The following TRIP4 variants were observed in gnomAD, a reference collection of about 807,000 sequenced individuals.
TRIP4 encodes activating signal cointegrator 1.
In TRIP4, 54 loss-of-function variants were observed where a neutral mutation model predicts 81.8. The ratio of observed to expected loss-of-function variants is 0.66; its 90% CI spans 0.53 to 0.83. The LOEUF is 0.83. Ranked by LOEUF, TRIP4 falls within the 40% of genes least tolerant of loss-of-function variation. TRIP4 has a pLI of 0.00. For missense variants in TRIP4, 662 were observed against 683.6 expected, an observed-to-expected ratio of 0.97 and a Z score of 0.35; for synonymous variants, 270 against 242.8, an observed-to-expected ratio of 1.11 and a Z score of -1.04.
chr15:64,411,973 C>T (rs910789856), intron 7 of TRIP4, among the ~76,000 whole-genome samples: 1 of 152,128 alleles, frequency 6.6e-6, no homozygotes, highest in Non-Finnish European at 1.5e-5. Flanking sequence ...AACCACTGCG[C>T]CCGGCACTAA....
intron 9 of TRIP4, 61 bp from the exon 10 acceptor site, chr15:64,423,970 T>C (rs1892077547): frequency 6.3e-7 from 1 of 1,599,434 alleles, no homozygotes; most frequent in African/African-American, 1.3e-5. Context: ...TGTTATATAT[T>C]ATGGGATATT....
chr15:64,440,238 T>C (rs551774522), intron 11 of TRIP4, among the ~76,000 whole-genome samples: 21 of 150,844 alleles, frequency 1.4e-4, no homozygotes, highest in Non-Finnish European at 2.4e-4. Flanking sequence ...AAAATAATAA[T>C]TAATTAATAA....
chr15:64,388,223 C>G (rs1464011966), intron 1 of TRIP4, among the ~76,000 whole-genome samples: 2 of 152,148 alleles, frequency 1.3e-5, no homozygotes, highest in East Asian at 3.8e-4. Flanking sequence ...GCAAGGCTGT[C>G]CCAGGAGCCA....
At chr15:64,454,634 A>G (rs944566936) in intron 12 of TRIP4, among the ~76,000 whole-genome samples, 1 of 152,206 alleles carries the variant, frequency 6.6e-6, no homozygotes, top group African/African-American at 2.4e-5. Flanking sequence ...GGTCACAGGA[A>G]TGGATTTCCC....
chr15:64,393,780 C>G, intron 1 of TRIP4, 166 bp from the exon 2 acceptor site: 1 of 508,534 alleles, frequency 2.0e-6, no homozygotes. Flanking sequence ...TACATTCATA[C>G]CAGTTAGGAT....
chr15:64,397,991 C>T (rs547290175), intron 4 of TRIP4, among the ~76,000 whole-genome samples, 173 bp downstream of exon 4: 1 of 151,970 alleles, frequency 6.6e-6, no homozygotes, highest in South Asian at 2.1e-4. Context: ...GGCTCTGCCT[C>T]CCGGGTTCAT....
Position 64,404,276 on chromosome 15 carries a change from TG to T in TRIP4, c.698-2053del, listed in dbSNP as rs1397115513. On this transcript the variant is annotated intron_variant, in intron 5 of 12. Coordinates refer to ENST00000261884, the MANE Select transcript of TRIP4 (RefSeq NM_016213.5). ...CTCTTGAGTTTTGACATTTCAAATTTGTTTTAGTTGTAAAAGGCTGTAATTT... is the reference window on the plus strand; with the variant it reads ...CTCTTGAGTTTTGACATTTCAAATTTTTTTAGTTGTAAAAGGCTGTAATTT... 2.0e-5 allele frequency among the ~76,000 whole-genome samples: 3 copies of T among 152,212 alleles called. No individual in the cohort carries two copies. In the East Asian group the frequency reaches 5.8e-4, roughly 29 times the overall value.
intron 11 of TRIP4, among the ~76,000 whole-genome samples, chr15:64,434,203 CAG>C (rs1451901917): frequency 1.3e-5 from 2 of 151,946 alleles, no homozygotes; most frequent in Non-Finnish European, 2.9e-5. Flanking sequence ...AGTTCGAGAC[CAG>C]CCAGACCAAC....
chr15:64,414,336 C>T (rs946304690), intron 8 of TRIP4, 125 bp downstream of exon 8: 1 of 1,282,468 alleles, frequency 7.8e-7, no homozygotes, highest in Non-Finnish European at 1.1e-6. Context: ...TACCAATCAG[C>T]TCTCTCAACA....
intron 7 of TRIP4, among the ~76,000 whole-genome samples, 183 bp from the exon 8 acceptor site, chr15:64,413,902 T>G (rs1173606214): frequency 1.3e-5 from 2 of 152,180 alleles, no homozygotes; most frequent in African/African-American, 4.8e-5. Context: ...CAATATTCAT[T>G]AACTCATATT....
chr15:64,425,629 C>G lies in TRIP4; in HGVS notation c.1573C>G (p.Gln525Glu). ...CTTGTCCCAGAAGCAATTTAAGGAG[C>G]AGGTGAGTAAAGAATACTTTTTTTT... is the stretch of plus-strand genomic sequence containing the variant. ...DCLSQKQFKE[Q>E]FPDISQESDS... Residue 525 changes from glutamine to glutamate, a missense_variant and splice_region_variant, in exon 11 of 13, where the codon CAG becomes GAG. Physicochemically the swap from Gln to Glu is conservative, Grantham distance 29. Transcript: ENST00000261884. 6.2e-7 allele frequency: 1 copy of G among 1,608,106 alleles called. No homozygotes were observed. Among genetic ancestry groups the G allele is most frequent in the Non-Finnish European group, 8.5e-7 (1 of 1,176,838 alleles).
chr15:64,410,640 A>G (rs1891740277), intron 7 of TRIP4, among the ~76,000 whole-genome samples: 1 of 152,226 alleles, frequency 6.6e-6, no homozygotes, highest in Non-Finnish European at 1.5e-5. Flanking sequence ...TCAGAAAGAA[A>G]TACAGAATTA....
chr15:64,420,470 A>G (rs1161772307), intron 9 of TRIP4, among the ~76,000 whole-genome samples: 2 of 150,630 alleles, frequency 1.3e-5, no homozygotes, highest in East Asian at 2.0e-4. Context: ...CATGATATAT[A>G]TGTTTGTGTT....
intron 11 of TRIP4, among the ~76,000 whole-genome samples, chr15:64,441,068 C>G (rs1388933772): frequency 6.6e-6 from 1 of 151,888 alleles, no homozygotes; most frequent in African/African-American, 2.4e-5. Context: ...GCGATCTCGG[C>G]TCACTGCAAG....
intron 11 of TRIP4, among the ~76,000 whole-genome samples, chr15:64,431,986 G>A (rs1375979796): frequency 1.4e-5 from 2 of 142,438 alleles, no homozygotes; most frequent in African/African-American, 2.6e-5. Flanking sequence ...TCCTAGGTTC[G>A]AGCAATTCTC....
At chr15:64,439,339 A>C (rs1407088016) in intron 11 of TRIP4, among the ~76,000 whole-genome samples, 1 of 151,984 alleles carries the variant, frequency 6.6e-6, no homozygotes, top group Non-Finnish European at 1.5e-5. Context: ...TTATCACCTC[A>C]GTCTTCTTGG....
intron 11 of TRIP4, among the ~76,000 whole-genome samples, chr15:64,439,724 A>G (rs1051617105): frequency 1.3e-5 from 2 of 151,576 alleles, no homozygotes; most frequent in African/African-American, 2.4e-5. Flanking sequence ...GGGTTTCACC[A>G]TGTTGGCCAG....
intron 10 of TRIP4, among the ~76,000 whole-genome samples, chr15:64,424,840 A>G (rs1892103219): frequency 6.6e-6 from 1 of 151,968 alleles, no homozygotes; most frequent in African/African-American, 2.4e-5. Context: ...CAGTGGCGCC[A>G]TTTCTCCTCA....
chr15:64,400,948 G>GA, intron 5 of TRIP4, 127 bp downstream of exon 5: 1 of 646,016 alleles, frequency 1.5e-6, no homozygotes, highest in South Asian at 1.8e-5. Context: ...TTTTTTTGGG[G>GA]GGTTTTTTTT....
Sources: allele counts gnomAD v4.1 joint callset (sites outside exome capture counted in the v4.1 genomes callset), GRCh38; gene constraint gnomAD v4.1.1; transcripts MANE v1.5; gene names NCBI Gene and HGNC (gene_info 2026-07-23, HGNC 2026-07-21).